The following POC1B variants were observed in gnomAD, a reference collection of about 807,000 sequenced individuals.
POC1B encodes the protein POC1 centriolar protein B.
In POC1B, 44 loss-of-function variants were observed where a neutral mutation model predicts 60.6. That is an observed-to-expected ratio of 0.73 (90% CI 0.57 to 0.93). The LOEUF (loss-of-function observed/expected upper bound fraction) is 0.93. POC1B is among the 40% of genes least tolerant of loss of function. POC1B has a pLI of 0.00. For synonymous variants in POC1B, 180 were observed against 198.9 expected, an observed-to-expected ratio of 0.90 and a Z score of 0.80; for missense variants, 555 against 572.3, an observed-to-expected ratio of 0.97 and a Z score of 0.31.
chr12:89,441,113 C>T (rs1881495036), intron 10 of POC1B, among the ~76,000 whole-genome samples: 4 of 152,218 alleles, frequency 2.6e-5, no homozygotes, highest in South Asian at 4.1e-4. Context: ...ACAAAGTTGC[C>T]AGGAAGCTCG....
intron 3 of POC1B, among the ~76,000 whole-genome samples, chr12:89,496,384 T>C (rs556316155): frequency 6.6e-6 from 1 of 151,846 alleles, no homozygotes; most frequent in South Asian, 2.1e-4. Flanking sequence ...TGGGGGGAAA[T>C]GATATGTAGG....
At chr12:89,442,856 C>T (rs1401919506) in intron 10 of POC1B, among the ~76,000 whole-genome samples, 1 of 152,118 alleles carries the variant, frequency 6.6e-6, no homozygotes, top group African/African-American at 2.4e-5. Context: ...ATTCAGGAGA[C>T]CCATCTCATG....
At chr12:89,460,039 C>A in intron 9 of POC1B, 1 of 394,458 alleles carries the variant, frequency 2.5e-6, no homozygotes, top group Non-Finnish European at 5.0e-6. Context: ...GAAAAAAATC[C>A]TAGCCAGTTC....
chr12:89,484,913 C>G (rs1868552193), intron 4 of POC1B, among the ~76,000 whole-genome samples: 1 of 152,182 alleles, frequency 6.6e-6, no homozygotes, highest in African/African-American at 2.4e-5. Flanking sequence ...ACTATCCTAA[C>G]CTGAGAAAAC....
chr12:89,524,647 G>A, intron 2 of POC1B: 1 of 1,305,300 alleles, frequency 7.7e-7, no homozygotes, highest in Non-Finnish European at 1.1e-6. Context: ...CTTCCCAGCA[G>A]GTTCTTCCTT....
At chr12:89,501,975 C>T in intron 2 of POC1B, 1 of 980,384 alleles carries the variant, frequency 1.0e-6, no homozygotes, top group Non-Finnish European at 1.7e-6. Flanking sequence ...ATGAGGCAGA[C>T]TTGGCTAAGA....
chr12:89,474,074 C>T (rs1883012918), intron 4 of POC1B, among the ~76,000 whole-genome samples: 1 of 151,940 alleles, frequency 6.6e-6, no homozygotes, highest in African/African-American at 2.4e-5. Context: ...GGCATGGTGG[C>T]AGGTGCCTGT....
the POC1B span, among the ~76,000 whole-genome samples, chr12:89,412,186 C>T: frequency 6.0e-3 from 913 of 152,274 alleles, 8 homozygotes; most frequent in African/African-American, 0.021. Flanking sequence ...GTTCCCCCTC[C>T]GTATCTGGCA....
At chr12:89,459,782 T>A in intron 9 of POC1B, 64 bp from the exon 10 acceptor site, 1 of 946,328 alleles carries the variant, frequency 1.1e-6, no homozygotes, top group Non-Finnish European at 1.5e-6. Flanking sequence ...ATACTATTTG[T>A]AAAAACCTGG....
intron 3 of POC1B, among the ~76,000 whole-genome samples, chr12:89,493,334 A>T (rs946110718): frequency 2.6e-5 from 4 of 152,234 alleles, no homozygotes. Flanking sequence ...ATTCATCTCT[A>T]TAAGACTAGC....
At chr12:89,469,375 TAA>T (rs1780128198) in intron 7 of POC1B, among the ~76,000 whole-genome samples, 1 of 152,264 alleles carries the variant, frequency 6.6e-6, no homozygotes, top group Non-Finnish European at 1.5e-5. Context: ...AATTGAGAAA[TAA>T]GACAAAGGAA....
At chr12:89,501,022 A>T (rs1218910923) in intron 2 of POC1B, 1 of 1,013,934 alleles carries the variant, frequency 9.9e-7, no homozygotes, top group East Asian at 2.5e-5. Context: ...ATAATTGATA[A>T]GTCAGATCAA....
At chr12:89,415,434 G>A (rs1223600576), downstream of POC1B, among the ~76,000 whole-genome samples, 1 of 152,110 alleles carries the variant, frequency 6.6e-6, no homozygotes, top group Non-Finnish European at 1.5e-5. Flanking sequence ...ACGAGGTCAA[G>A]AGATCAAGAC....
At chr12:89,470,092 G>A (rs979766932) in intron 7 of POC1B, among the ~76,000 whole-genome samples, 1 of 151,918 alleles carries the variant, frequency 6.6e-6, no homozygotes, top group Non-Finnish European at 1.5e-5. Flanking sequence ...AGATGGTCTC[G>A]ATCTCCTGAC....
rs1882930854 is a variant in POC1B at position 89,472,285 on chromosome 12, AG to A, written c.453-11del. On this transcript the variant is annotated splice_polypyrimidine_tract_variant and intron_variant, in intron 4 of 11. Transcript: ENST00000313546. Reference sequence around the variant, plus strand: ...TCCATCGGGTGAAAATCTAGAAAGAAGAAGAAAGAAGATGTTTTATGTGAAA... The same window carrying A: ...TCCATCGGGTGAAAATCTAGAAAGAAAAGAAAGAAGATGTTTTATGTGAAA... 7.4e-6 allele frequency: 3 copies of A among 407,256 alleles called. No homozygotes were observed. Among genetic ancestry groups the A allele is most frequent in the Admixed American group, 1.1e-4 (2 of 18,298 alleles). 25.2% of individuals were successfully genotyped at this position (407,256 alleles called of 1,614,324 possible).
the POC1B span, among the ~76,000 whole-genome samples, chr12:89,401,876 T>C: frequency 6.6e-6 from 1 of 152,240 alleles, no homozygotes; most frequent in African/African-American, 2.4e-5. Context: ...TAGGTTAATG[T>C]TGGAGCATTA....
chr12:89,501,864 C>A, intron 2 of POC1B: 1 of 1,189,338 alleles, frequency 8.4e-7, no homozygotes, highest in Non-Finnish European at 1.3e-6. Context: ...CAACTAAAGA[C>A]AGCCAAAGAG....
At chr12:89,435,947 G>GTTT (rs200200273) in intron 10 of POC1B, among the ~76,000 whole-genome samples, 2 of 148,198 alleles carry the variant, frequency 1.3e-5, no homozygotes. Context: ...TTTCTTGTTT[G>GTTT]TTTGTTTTTT....
chr12:89,446,308 T>C (rs1361486502), intron 10 of POC1B, among the ~76,000 whole-genome samples: 1 of 152,216 alleles, frequency 6.6e-6, no homozygotes, highest in African/African-American at 2.4e-5. Context: ...TGCACACATA[T>C]GTTTATTGCG....
Sources: allele counts gnomAD v4.1 joint callset (sites outside exome capture counted in the v4.1 genomes callset), GRCh38; gene constraint gnomAD v4.1.1; transcripts MANE v1.5; gene names NCBI Gene and HGNC (gene_info 2026-07-23, HGNC 2026-07-21).